FRMPD4: variants seen among roughly 807,000 people sequenced by gnomAD.
FRMPD4 encodes the protein FERM and PDZ domain containing 4, also known as FERM and PDZ domain-containing protein 4.
FRMPD4 carries 22 observed loss-of-function variants against 94.1 expected under a neutral mutation model. That is an observed-to-expected ratio of 0.23 (90% confidence interval 0.17 to 0.33). FRMPD4 has a LOEUF of 0.33. Among genes scored for constraint, FRMPD4 ranks in the 10% least tolerant of loss-of-function variants. FRMPD4 has a pLI of 1.00. For synonymous variants in FRMPD4, 631 were observed against 548.6 expected (o/e 1.15, Z -2.10); for missense variants, 1,111 against 1,339.9 (o/e 0.83, Z 2.67).
intron 1 of FRMPD4, among the ~76,000 whole-genome samples, chrX:12,301,518 C>T (rs911617305): frequency 4.5e-5 from 5 of 111,535 alleles, no homozygotes; most frequent in Non-Finnish European, 9.4e-5. Context: ...GTTAGTCTGT[C>T]TTGCGAGACC....
intron 3 of FRMPD4, among the ~76,000 whole-genome samples, chrX:11,946,620 A>G (rs1299039005): frequency 3.6e-5 from 4 of 111,230 alleles, no homozygotes; most frequent in African/African-American, 1.3e-4. Flanking sequence ...CTGGTGAAAC[A>G]TTATTTCTAG....
chrX:11,942,657 A>G, intron 3 of FRMPD4, among the ~76,000 whole-genome samples: 1 of 111,950 alleles, frequency 8.9e-6, no homozygotes, highest in East Asian at 2.8e-4. Context: ...TTGGTCTCTT[A>G]TTTTTAGAAT....
At chrX:12,578,111 C>T (rs1166487383) in intron 2 of FRMPD4, among the ~76,000 whole-genome samples, 1 of 112,410 alleles carries the variant, frequency 8.9e-6, no homozygotes, top group Admixed American at 9.3e-5. Flanking sequence ...TGAGGGCCTT[C>T]CCCTCTTGAC....
At chrX:12,464,436 G>T (rs1262595971) in intron 1 of FRMPD4, among the ~76,000 whole-genome samples, 1 of 112,295 alleles carries the variant, frequency 8.9e-6, no homozygotes, top group Non-Finnish European at 1.9e-5. Context: ...AATCTCTACT[G>T]TTGTCCTTTT....
intron 1 of FRMPD4, among the ~76,000 whole-genome samples, chrX:11,859,282 AG>A (rs2053671988): frequency 8.9e-6 from 1 of 112,278 alleles, no homozygotes; most frequent in African/African-American, 3.2e-5. Context: ...AATAGCTAAA[AG>A]CAGGGAGCAA....
chrX:12,436,034 C>T (rs1440248644), intron 1 of FRMPD4, among the ~76,000 whole-genome samples: 1 of 111,489 alleles, frequency 9.0e-6, no homozygotes, highest in Non-Finnish European at 1.9e-5. Context: ...GAGACAGAGT[C>T]TTGCTCTGTC....
At chrX:12,170,886 A>T (rs2056208836) in intron 1 of FRMPD4, among the ~76,000 whole-genome samples, 2 of 113,138 alleles carry the variant, frequency 1.8e-5, no homozygotes, top group South Asian at 7.2e-4. Context: ...TGATGAGATC[A>T]TTCTTTGGGT....
At chrX:12,083,279 T>C (rs2055077130) in intron 3 of FRMPD4, among the ~76,000 whole-genome samples, 1 of 113,064 alleles carries the variant, frequency 8.8e-6, no homozygotes, top group African/African-American at 3.2e-5. Context: ...AATGTAGAGC[T>C]TGGGATGTGG....
chrX:12,337,863 T>A (rs772761042), intron 1 of FRMPD4, among the ~76,000 whole-genome samples: 1 of 112,779 alleles, frequency 8.9e-6, no homozygotes, highest in Non-Finnish European at 1.9e-5. Context: ...GCATGTATAC[T>A]TGTCTCAGTC....
intron 4 of FRMPD4, among the ~76,000 whole-genome samples, chrX:12,666,436 C>T (rs1602288252): frequency 9.0e-6 from 1 of 111,472 alleles, no homozygotes; most frequent in Non-Finnish European, 1.9e-5. Context: ...GGACCTAATA[C>T]ACATCTACAG....
chrX:12,455,512 G>A (rs1415104012), intron 1 of FRMPD4, among the ~76,000 whole-genome samples: 2 of 111,869 alleles, frequency 1.8e-5, no homozygotes, highest in East Asian at 2.8e-4. Context: ...CATCTCCTAT[G>A]TTCCACAAAA....
intron 2 of FRMPD4, among the ~76,000 whole-genome samples, chrX:12,608,930 A>G (rs1033084856): frequency 1.8e-5 from 2 of 112,118 alleles, no homozygotes; most frequent in African/African-American, 6.5e-5. Context: ...GCAGTCAAAA[A>G]TCCACGTATA....
intron 3 of FRMPD4, among the ~76,000 whole-genome samples, chrX:11,980,242 A>G (rs1486369513): frequency 8.9e-6 from 1 of 112,258 alleles, no homozygotes; most frequent in Non-Finnish European, 1.9e-5. Context: ...AAACGTTTGC[A>G]TAAAACTGTT....
upstream of FRMPD4, among the ~76,000 whole-genome samples, chrX:12,136,887 T>C (rs1198058068): frequency 1.1e-5 from 1 of 87,443 alleles, no homozygotes; most frequent in East Asian, 6.0e-4. Context: ...TGATCTACGT[T>C]AAAACACACA....
Position 12,522,594 on chromosome X carries a change from C to CTTTTT in FRMPD4, c.158+23815_158+23819dup, listed in dbSNP as rs373581040. Among the ~76,000 whole-genome samples, 6 of 74,542 alleles carry CTTTTT rather than the reference C, an allele frequency of 8.0e-5. 1 individual carries two copies. Among genetic ancestry groups the CTTTTT allele is most frequent in the Non-Finnish European group, 1.2e-4 (5 of 41,835 alleles). The allele number at this position is 74,542 out of a possible 115,157, so 64.7% of individuals were successfully genotyped here. A position where few individuals can be genotyped will look rare whatever the true frequency, so the allele number is the denominator to read the frequency against. On this transcript the variant is annotated intron_variant, in intron 2 of 16. Transcript: ENST00000675598. ...TTTAATGGCAATTGATTTTCTTTTC[C>CTTTTT]TTTTTTTTTTTTTTTTTTTTTCTTT...
chrX:12,350,905 G>A (rs1032434896), intron 1 of FRMPD4, among the ~76,000 whole-genome samples: 1 of 112,704 alleles, frequency 8.9e-6, no homozygotes, highest in Non-Finnish European at 1.9e-5. Flanking sequence ...GCCGGGCACA[G>A]TGGCTCACGC....
chrX:12,413,226 C>T (rs886521873), intron 1 of FRMPD4, among the ~76,000 whole-genome samples: 2 of 111,976 alleles, frequency 1.8e-5, no homozygotes, highest in African/African-American at 6.5e-5. Flanking sequence ...CTTTGCTCCT[C>T]AGATGGGATA....
chrX:12,599,994 A>G (rs1308760193), intron 2 of FRMPD4, among the ~76,000 whole-genome samples: 1 of 111,810 alleles, frequency 8.9e-6, no homozygotes, highest in African/African-American at 3.3e-5. Flanking sequence ...TGCATTAAAA[A>G]ATCAATATTT....
chrX:11,857,495 C>G (rs1196241378), intron 1 of FRMPD4, among the ~76,000 whole-genome samples: 1 of 112,564 alleles, frequency 8.9e-6, no homozygotes, highest in Admixed American at 9.4e-5. Flanking sequence ...GGAGAACTAC[C>G]TAGCCGCGTG....
Sources: gnomAD v4.1 joint callset for allele counts (sites outside exome capture counted in the v4.1 genomes callset) on GRCh38, gnomAD v4.1.1 for gene constraint, MANE v1.5 for transcripts, NCBI Gene and HGNC (gene_info 2026-07-23, HGNC 2026-07-21) for gene names.